Variants in IQCJ observed in about 807,000 individuals in gnomAD.
The protein encoded by IQCJ is IQ domain-containing protein J.
IQCJ carries 9 observed loss-of-function variants against 11.0 expected under a neutral mutation model. The observed-to-expected ratio is 0.82, with a 90% CI of 0.49 to 1.43. The LOEUF is 1.43. Among genes scored for constraint, IQCJ ranks in the 40% most tolerant of loss-of-function variants. The pLI, the probability that IQCJ is intolerant of heterozygous loss-of-function variation, is 0.00. For missense variants in IQCJ, 146 were observed against 133.2 expected, an observed-to-expected ratio of 1.10 and a Z score of -0.47; for synonymous variants, 55 against 51.3, an observed-to-expected ratio of 1.07 and a Z score of -0.31.
chr3:159,149,546 A>C (rs950143686), intron 1 of IQCJ, among the ~76,000 whole-genome samples: 1 of 152,160 alleles, frequency 6.6e-6, no homozygotes, highest in Non-Finnish European at 1.5e-5. Context: ...TTTGGGGGCT[A>C]CTGCTAAGAT....
chr3:159,086,527 T>C (rs909952929), intron 1 of IQCJ, among the ~76,000 whole-genome samples: 3 of 152,256 alleles, frequency 2.0e-5, no homozygotes, highest in Non-Finnish European at 4.4e-5. Context: ...ATTTTCACGA[T>C]ATTGATTCTT....
intron 1 of IQCJ, among the ~76,000 whole-genome samples, chr3:159,088,057 A>G (rs368835740): frequency 6.6e-6 from 1 of 151,834 alleles, no homozygotes; most frequent in South Asian, 2.1e-4. Flanking sequence ...TGGGCATTTA[A>G]TGCTATAAAT....
intron 1 of IQCJ, among the ~76,000 whole-genome samples, chr3:159,204,983 T>C (rs1724564870): frequency 1.3e-5 from 2 of 152,230 alleles, no homozygotes; most frequent in African/African-American, 4.8e-5. Flanking sequence ...CTTCCTTATC[T>C]TCCACTCTGG....
intron 1 of IQCJ, among the ~76,000 whole-genome samples, chr3:159,192,203 C>T (rs1315111884): frequency 6.6e-6 from 1 of 152,184 alleles, no homozygotes; most frequent in Non-Finnish European, 1.5e-5. Flanking sequence ...CATACTCTCC[C>T]TGGCATCTCT....
At chr3:159,163,032 T>C (rs951025856) in intron 1 of IQCJ, among the ~76,000 whole-genome samples, 13 of 152,190 alleles carry the variant, frequency 8.5e-5, no homozygotes, top group African/African-American at 1.2e-4. Flanking sequence ...GAAACTATTC[T>C]GATCAGTAGA....
rs181621605 is a variant in IQCJ at position 159,093,794 on chromosome 3, G to A, written c.9+24353G>A. Among the ~76,000 whole-genome samples the A allele has an allele frequency of 8.8e-3, 1,334 of 151,952 alleles. 12 individuals are homozygous for A. The highest frequency in any genetic ancestry group is 0.015 in the Non-Finnish European group (1,030 of 68,028). ...TCACATGGCAGCAGGAGAGAGAAGTGCAGAACAAAGGGAGAAAAAGCCCTT... is the reference window on the plus strand; with the variant it reads ...TCACATGGCAGCAGGAGAGAGAAGTACAGAACAAAGGGAGAAAAAGCCCTT... On this transcript the variant is annotated intron_variant, in intron 1 of 3. Coordinates refer to ENST00000397832, the MANE Select transcript of IQCJ (RefSeq NM_001042706.3).
At chr3:159,162,703 A>G (rs1162979462) in intron 1 of IQCJ, among the ~76,000 whole-genome samples, 2 of 152,240 alleles carry the variant, frequency 1.3e-5, no homozygotes, top group Non-Finnish European at 2.9e-5. Flanking sequence ...AAAAGAGAGA[A>G]GAATCAAATA....
chr3:159,253,709 A>G (rs1309804369), intron 3 of IQCJ, among the ~76,000 whole-genome samples: 3 of 152,120 alleles, frequency 2.0e-5, no homozygotes, highest in African/African-American at 7.2e-5. Context: ...GAGCTTGGCC[A>G]GAATCACTGA....
chr3:159,091,433 T>C (rs1384964384), intron 1 of IQCJ, among the ~76,000 whole-genome samples: 1 of 151,690 alleles, frequency 6.6e-6, no homozygotes, highest in Non-Finnish European at 1.5e-5. Flanking sequence ...GAGAGCTCTT[T>C]GGGGTCCCTA....
intron 1 of IQCJ, among the ~76,000 whole-genome samples, chr3:159,175,450 A>C (rs997178900): frequency 6.6e-6 from 1 of 152,190 alleles, no homozygotes; most frequent in Non-Finnish European, 1.5e-5. Context: ...CAGCCTGGGC[A>C]ACAGAGCAAG....
intron 1 of IQCJ, among the ~76,000 whole-genome samples, chr3:159,106,683 C>A (rs1718285289): frequency 6.6e-6 from 1 of 152,130 alleles, no homozygotes; most frequent in South Asian, 2.1e-4. Flanking sequence ...ATAACACTAT[C>A]TACGTAGAGT....
In IQCJ at chr3:159,170,836, G is replaced by A. The variant is rs140559974; in HGVS notation, c.10-75007G>A. 5.9e-3 allele frequency among the ~76,000 whole-genome samples: 902 copies of A among 152,164 alleles called. 40 individuals are homozygous for A. The highest frequency in any genetic ancestry group is 0.056 in the Admixed American group (852 of 15,292). On this transcript the variant is annotated intron_variant, in intron 1 of 3. Coordinates refer to ENST00000397832, the MANE Select transcript of IQCJ (RefSeq NM_001042706.3). ...TGTGGATTCCTTTCTCATAGCCCAA[G>A]TTAAAAAAGAACAGTGAAGTCATCT...
chr3:159,243,416 A>G (rs1373142995), intron 1 of IQCJ, among the ~76,000 whole-genome samples: 1 of 152,210 alleles, frequency 6.6e-6, no homozygotes, highest in Non-Finnish European at 1.5e-5. Context: ...TATGTGTACA[A>G]TAGAAAACTA....
chr3:159,080,864 C>T (rs79453730), intron 1 of IQCJ, among the ~76,000 whole-genome samples: 12,029 of 152,116 alleles, frequency 0.079, 783 homozygotes, highest in East Asian at 0.35. Flanking sequence ...GACTGTCTCT[C>T]CTCTAGAATA....
intron 1 of IQCJ, among the ~76,000 whole-genome samples, chr3:159,204,529 A>G (rs559150632): frequency 2.0e-5 from 3 of 152,370 alleles, no homozygotes; most frequent in South Asian, 2.1e-4. Flanking sequence ...GTGCTCCAAA[A>G]GACAAGAAGT....
intron 1 of IQCJ, among the ~76,000 whole-genome samples, chr3:159,122,244 C>T (rs1409049871): frequency 6.6e-6 from 1 of 152,174 alleles, no homozygotes; most frequent in Non-Finnish European, 1.5e-5. Context: ...CATCCCAATA[C>T]CATCACATTG....
At chr3:159,108,467 AG>A (rs1718410259) in intron 1 of IQCJ, among the ~76,000 whole-genome samples, 1 of 152,286 alleles carries the variant, frequency 6.6e-6, no homozygotes, top group Admixed American at 6.5e-5. Context: ...CTTGGATCAA[AG>A]GGGAGTTTCG....
chr3:159,250,789 G>A (rs954938722), intron 2 of IQCJ, among the ~76,000 whole-genome samples: 3 of 152,180 alleles, frequency 2.0e-5, no homozygotes, highest in African/African-American at 7.2e-5. Flanking sequence ...AGATTTGGGT[G>A]GGGAGAGAGC....
chr3:159,103,455 G>A (rs988000103), intron 1 of IQCJ, among the ~76,000 whole-genome samples: 1 of 152,152 alleles, frequency 6.6e-6, no homozygotes, highest in Non-Finnish European at 1.5e-5. Flanking sequence ...AACACAAAAT[G>A]GAGTTGTCAT....
Sources: gnomAD v4.1 joint callset for allele counts (sites outside exome capture counted in the v4.1 genomes callset) on GRCh38, gnomAD v4.1.1 for gene constraint, MANE v1.5 for transcripts, NCBI Gene and HGNC (gene_info 2026-07-23, HGNC 2026-07-21) for gene names.